CCDC73: variants seen among roughly 807,000 people sequenced by gnomAD.
The protein encoded by CCDC73 is coiled-coil domain-containing protein 73.
In CCDC73, 95 loss-of-function variants were observed where a neutral mutation model predicts 116.5. The ratio of observed to expected loss-of-function variants is 0.82; its 90% CI spans 0.69 to 0.97. The LOEUF is 0.97. Among genes scored for constraint, CCDC73 ranks in the 50% least tolerant of loss-of-function variants. The probability of loss-of-function intolerance (pLI) is 0.00; values close to 1 mark genes in which losing one functional copy is unlikely to be tolerated. For synonymous variants in CCDC73, 398 were observed against 401.3 expected, an observed-to-expected ratio of 0.99 and a Z score of 0.10; for missense variants, 1,066 against 1,206.8, an observed-to-expected ratio of 0.88 and a Z score of 1.73.
chr11:32,709,386 C>A (rs991687301), intron 3 of CCDC73, among the ~76,000 whole-genome samples: 2 of 152,156 alleles, frequency 1.3e-5, no homozygotes, highest in Non-Finnish European at 2.9e-5. Context: ...GCAACCTCCA[C>A]CTCCCAGGTT....
chr11:32,794,007 T>C lies in CCDC73; in HGVS notation c.-16+606A>G, dbSNP rs562575366. On this transcript the variant is annotated intron_variant, in intron 1 of 17. Coordinates refer to ENST00000335185, the MANE Select transcript of CCDC73 (RefSeq NM_001008391.4). ...TTTAAATTTGCTCGTGCAAGGCAGT[T>C]TGGGAGAAACAAAATCACCAGCAGA... Among the ~76,000 whole-genome samples, 185 of 152,250 alleles carry C rather than the reference T, an allele frequency of 1.2e-3. 2 individuals are homozygous for C. Among genetic ancestry groups the C allele is most frequent in the Non-Finnish European group, 2.0e-3 (139 of 68,030 alleles).
the CCDC73 span, among the ~76,000 whole-genome samples, chr11:32,828,723 G>T: frequency 2.0e-5 from 3 of 152,020 alleles, no homozygotes; most frequent in Non-Finnish European, 4.4e-5. Context: ...CTTTAATCAA[G>T]ACCTTTTTAC....
At chr11:32,692,352 C>T (rs1856268761) in intron 6 of CCDC73, among the ~76,000 whole-genome samples, 1 of 151,988 alleles carries the variant, frequency 6.6e-6, no homozygotes, top group East Asian at 1.9e-4. Context: ...TCTAAGAATT[C>T]CTCATGCATA....
upstream of CCDC73, among the ~76,000 whole-genome samples, chr11:32,795,546 A>G (rs1850718986): frequency 6.6e-6 from 1 of 152,062 alleles, no homozygotes; most frequent in South Asian, 2.1e-4. Context: ...TTATACTGAT[A>G]ATCACACCTA....
chr11:32,770,033 C>T (rs1850478304), intron 1 of CCDC73, among the ~76,000 whole-genome samples: 1 of 152,190 alleles, frequency 6.6e-6, no homozygotes, highest in East Asian at 1.9e-4. Flanking sequence ...TAATGGCTTA[C>T]AGCAGTAATT....
the CCDC73 span, among the ~76,000 whole-genome samples, chr11:32,808,773 A>G: frequency 1.1e-4 from 16 of 152,248 alleles, no homozygotes; most frequent in Non-Finnish European, 1.8e-4. Flanking sequence ...TTAAATTATT[A>G]TGGTTTTCCA....
At chr11:32,661,300 C>T (rs890219500) in intron 9 of CCDC73, among the ~76,000 whole-genome samples, 24 of 151,956 alleles carry the variant, frequency 1.6e-4, no homozygotes, top group African/African-American at 2.9e-4. Context: ...TGGAGTGAAT[C>T]GACAATTTTT....
intron 14 of CCDC73, among the ~76,000 whole-genome samples, chr11:32,620,472 G>C (rs547104466): frequency 1.0e-3 from 153 of 151,982 alleles, no homozygotes; most frequent in Non-Finnish European, 1.8e-3. Context: ...TTAGCCAGGC[G>C]TGGTGGCGGA....
At chr11:32,625,103 C>T (rs1020682047) in intron 14 of CCDC73, among the ~76,000 whole-genome samples, 1 of 152,114 alleles carries the variant, frequency 6.6e-6, no homozygotes, top group African/African-American at 2.4e-5. Flanking sequence ...GATTGCAACC[C>T]CTGCCTTTTT....
rs375588600 is a variant in CCDC73 at position 32,734,026 on chromosome 11, A to G, written c.136-15879T>C. Among the ~76,000 whole-genome samples the G allele has an allele frequency of 2.0e-5, 3 of 152,338 alleles. No individual in the cohort carries two copies. The East Asian group carries it at 5.8e-4, about 29-fold the overall frequency. ...TCAACAAAATTGATTAACCACTAGC[A>G]AGACTAATAAAGAAAAAAGGAGAGA... is the stretch of plus-strand genomic sequence containing the variant. On this transcript the variant is annotated intron_variant, in intron 2 of 17. Coordinates refer to ENST00000335185, the MANE Select transcript of CCDC73 (RefSeq NM_001008391.4).
At chr11:32,627,216 A>C in intron 14 of CCDC73, among the ~76,000 whole-genome samples, 1 of 152,250 alleles carries the variant, frequency 6.6e-6, no homozygotes, top group Non-Finnish European at 1.5e-5. Flanking sequence ...GACACATGAA[A>C]AAATTCTCAT....
rs1312856389 is a variant in CCDC73, at chr11:32,614,238, CTAAAG to C, written c.2075_2079del (p.Thr692ArgfsTer4). The stretch of plus-strand genomic sequence containing the variant: ...CAGGGAACAGTTAGTTCAGATTTCT[CTAAAG>C]TATCATTACAGACTTGCAGAAAATC... On this transcript the variant is annotated frameshift_variant, in exon 16 of 18. Coordinates refer to ENST00000335185, the MANE Select transcript of CCDC73 (RefSeq NM_001008391.4). LOFTEE classifies it high-confidence loss of function. 7.4e-6 allele frequency: 12 copies of C among 1,613,714 alleles called. No individual in the cohort carries two copies. Among genetic ancestry groups the C allele is most frequent in the African/African-American group, 1.3e-5 (1 of 75,028 alleles).
chr11:32,821,180 G>T, the CCDC73 span, among the ~76,000 whole-genome samples: 1 of 151,902 alleles, frequency 6.6e-6, no homozygotes, highest in Non-Finnish European at 1.5e-5. Context: ...TCTTTTATGG[G>T]GTCACTTTTT....
At chr11:32,636,812 G>C (rs559502131) in intron 13 of CCDC73, among the ~76,000 whole-genome samples, 43 of 151,708 alleles carry the variant, frequency 2.8e-4, no homozygotes, top group African/African-American at 9.2e-4. Flanking sequence ...TCTTTTCCAA[G>C]GCTAAACTCT....
chr11:32,615,967 A>G lies in CCDC73; in HGVS notation c.1348T>C (p.Ser450Pro). The change falls in exon 15 of 18, where the codon TCA becomes CCA. Residue 450 changes from serine to proline, a missense_variant. Ser to Pro is a moderately conservative substitution (Grantham distance 74). Transcript: ENST00000335185. Reference sequence around the variant, plus strand: ...TCTATAATTATTTCCTCTATAAATGAGCCTTCTTTTTTTTCTTCTTTTTCT... The same window carrying G: ...TCTATAATTATTTCCTCTATAAATGGGCCTTCTTTTTTTTCTTCTTTTTCT... The part of the protein sequence containing the change: ...YREKEEKKEG[S>P]FIEEIIIDDL... 6.3e-7 allele frequency: 1 copy of G among 1,578,050 alleles called. No individual in the cohort carries two copies. Among genetic ancestry groups the G allele is most frequent in the South Asian group, 1.2e-5 (1 of 86,708 alleles).
At chr11:32,806,788 C>T in the CCDC73 span, among the ~76,000 whole-genome samples, 4 of 152,010 alleles carry the variant, frequency 2.6e-5, no homozygotes, top group African/African-American at 4.8e-5. Flanking sequence ...GCAAAAAGGC[C>T]GGCACAGTTA....
chr11:32,670,712 G>A (rs113648703), intron 9 of CCDC73, among the ~76,000 whole-genome samples: 3 of 151,936 alleles, frequency 2.0e-5, no homozygotes, highest in East Asian at 3.9e-4. Flanking sequence ...TACAAAATGC[G>A]ACAAATGTCT....
intron 2 of CCDC73, among the ~76,000 whole-genome samples, chr11:32,731,938 G>A (rs1411427218): frequency 6.6e-6 from 1 of 152,182 alleles, no homozygotes; most frequent in African/African-American, 2.4e-5. Context: ...AGAGAAGAAG[G>A]CTTCAGAAGA....
At chr11:32,633,963 G>T (rs1855656155) in intron 14 of CCDC73, among the ~76,000 whole-genome samples, 1 of 152,070 alleles carries the variant, frequency 6.6e-6, no homozygotes, top group Non-Finnish European at 1.5e-5. Context: ...ATTCACAGGG[G>T]TGCTATGTTA....
Sources: gnomAD v4.1 joint callset for allele counts (sites outside exome capture counted in the v4.1 genomes callset) on GRCh38, gnomAD v4.1.1 for gene constraint, MANE v1.5 for transcripts, NCBI Gene and HGNC (gene_info 2026-07-23, HGNC 2026-07-21) for gene names.